Variants in NDUFAF2 observed in about 807,000 individuals in gnomAD.
NDUFAF2 encodes NADH dehydrogenase [ubiquinone] 1 alpha subcomplex assembly factor 2.
Under a neutral mutation model 22.8 loss-of-function variants are expected in NDUFAF2, and 13 were observed. That is an observed-to-expected ratio of 0.57 (90% CI 0.37 to 0.91). The LOEUF is 0.91. NDUFAF2 is among the 40% of genes least tolerant of loss of function. The pLI is 0.01. For missense variants in NDUFAF2, 162 were observed against 195.2 expected (o/e 0.83, Z 1.01); for synonymous variants, 53 against 64.2 (o/e 0.83, Z 0.84).
intron 1 of NDUFAF2, among the ~76,000 whole-genome samples, chr5:61,021,444 T>C (rs1022422256): frequency 6.6e-6 from 1 of 152,174 alleles, no homozygotes; most frequent in East Asian, 1.9e-4. Context: ...TGTGATTACA[T>C]TGAGTCCACC....
At chr5:61,093,879 A>T (rs1296692771) in intron 2 of NDUFAF2, among the ~76,000 whole-genome samples, 2 of 152,098 alleles carry the variant, frequency 1.3e-5, no homozygotes, top group East Asian at 3.8e-4. Context: ...TCAGCTATGA[A>T]TCTGTCTGGT....
intron 2 of NDUFAF2, among the ~76,000 whole-genome samples, chr5:61,084,672 T>C (rs1445004405): frequency 1.3e-5 from 2 of 152,234 alleles, no homozygotes; most frequent in Non-Finnish European, 2.9e-5. Flanking sequence ...TTTTTTGGGC[T>C]GAATAATATT....
At chr5:61,016,650 G>A (rs1190480662) in intron 1 of NDUFAF2, among the ~76,000 whole-genome samples, 2 of 152,090 alleles carry the variant, frequency 1.3e-5, no homozygotes, top group African/African-American at 4.8e-5. Flanking sequence ...GCTGTCCTCC[G>A]CTATTGTGGT....
intron 1 of NDUFAF2, among the ~76,000 whole-genome samples, chr5:61,070,628 C>CAA (rs9291705): frequency 6.6e-6 from 1 of 151,300 alleles, no homozygotes; most frequent in Non-Finnish European, 1.5e-5. Flanking sequence ...CACACACACA[C>CAA]GCACTCACAT....
intron 1 of NDUFAF2, among the ~76,000 whole-genome samples, chr5:61,027,649 A>G (rs1360630109): frequency 2.6e-5 from 4 of 151,802 alleles, no homozygotes; most frequent in Non-Finnish European, 5.9e-5. Flanking sequence ...TGTAATCCAG[A>G]CTTCCCTCTC....
chr5:60,962,925 G>T (rs910033891), intron 1 of NDUFAF2, among the ~76,000 whole-genome samples: 3 of 151,886 alleles, frequency 2.0e-5, no homozygotes, highest in Admixed American at 6.5e-5. Flanking sequence ...CTGCTCTATA[G>T]CCCAGGCTGG....
chr5:60,961,633 G>A (rs1412530674), intron 1 of NDUFAF2, among the ~76,000 whole-genome samples: 1 of 149,170 alleles, frequency 6.7e-6, no homozygotes, highest in Non-Finnish European at 1.5e-5. Context: ...AGACATGGTG[G>A]CAAATGCCTG....
At chr5:60,986,733 AG>A (rs1751083614) in intron 1 of NDUFAF2, among the ~76,000 whole-genome samples, 1 of 152,212 alleles carries the variant, frequency 6.6e-6, no homozygotes, top group Non-Finnish European at 1.5e-5. Flanking sequence ...GTTTAAGACC[AG>A]CCTGGCCAAC....
intron 1 of NDUFAF2, among the ~76,000 whole-genome samples, chr5:60,960,084 A>G (rs1243108288): frequency 2.0e-5 from 3 of 152,162 alleles, no homozygotes; most frequent in African/African-American, 7.2e-5. Flanking sequence ...TTTCCCTGCC[A>G]TAGAAATATG....
At chr5:61,019,592 A>G (rs1048827376) in intron 1 of NDUFAF2, among the ~76,000 whole-genome samples, 2 of 152,096 alleles carry the variant, frequency 1.3e-5, no homozygotes, top group Non-Finnish European at 2.9e-5. Flanking sequence ...TTTTTCCAGC[A>G]ACAAGGCAAT....
At chr5:61,119,950 A>T (rs1561571048) in intron 3 of NDUFAF2, among the ~76,000 whole-genome samples, 1 of 152,168 alleles carries the variant, frequency 6.6e-6, no homozygotes, top group African/African-American at 2.4e-5. Flanking sequence ...CTGAAATCCT[A>T]TGTCTGGCTG....
chr5:61,058,706 A>T (rs764144387), intron 1 of NDUFAF2, among the ~76,000 whole-genome samples: 8 of 151,996 alleles, frequency 5.3e-5, no homozygotes, highest in Non-Finnish European at 8.8e-5. Flanking sequence ...ATTTTGTTAA[A>T]TGTTCACATT....
At chr5:61,152,635 T>C in intron 3 of NDUFAF2, 69 bp from the exon 4 acceptor site, 1 of 1,090,524 alleles carries the variant, frequency 9.2e-7, no homozygotes, top group African/African-American at 1.6e-5. Context: ...TTATTTTTAT[T>C]GGCTATTTTT....
chr5:61,098,270 C>T (rs1752667921), intron 2 of NDUFAF2, among the ~76,000 whole-genome samples: 1 of 152,204 alleles, frequency 6.6e-6, no homozygotes, highest in East Asian at 1.9e-4. Flanking sequence ...GTGACACAGA[C>T]AGTAAGTGAT....
intron 1 of NDUFAF2, among the ~76,000 whole-genome samples, chr5:61,065,934 T>TA (rs1014608919): frequency 1.8e-4 from 27 of 151,460 alleles, no homozygotes; most frequent in African/African-American, 6.3e-4. Flanking sequence ...ATCCTATATA[T>TA]AAAAAAAATT....
At chr5:61,103,236 C>G (rs1422382789) in intron 3 of NDUFAF2, among the ~76,000 whole-genome samples, 1 of 152,044 alleles carries the variant, frequency 6.6e-6, no homozygotes, top group Non-Finnish European at 1.5e-5. Context: ...CCTTAGGCTA[C>G]CCTACTCTTC....
At chr5:61,060,492 T>C (rs1458335851) in intron 1 of NDUFAF2, among the ~76,000 whole-genome samples, 5 of 152,154 alleles carry the variant, frequency 3.3e-5, no homozygotes, top group African/African-American at 1.2e-4. Flanking sequence ...TGATTTAGAA[T>C]TATCACCTGA....
intron 1 of NDUFAF2, among the ~76,000 whole-genome samples, chr5:60,970,594 G>A (rs901521272): frequency 4.6e-5 from 7 of 152,082 alleles, no homozygotes; most frequent in African/African-American, 1.7e-4. Context: ...TAGTTTTTTA[G>A]TGGAGTATTT....
intron 3 of NDUFAF2, among the ~76,000 whole-genome samples, chr5:61,100,741 G>C (rs79351988): frequency 6.6e-6 from 1 of 152,150 alleles, no homozygotes; most frequent in Non-Finnish European, 1.5e-5. Context: ...AGTTGTGCTC[G>C]CTTTCCCACG....
Sources: allele counts gnomAD v4.1 joint callset (sites outside exome capture counted in the v4.1 genomes callset), GRCh38; gene constraint gnomAD v4.1.1; transcripts MANE v1.5; gene names NCBI Gene and HGNC (gene_info 2026-07-23, HGNC 2026-07-21).